MYH7B: variants seen among roughly 807,000 people sequenced by gnomAD.
The protein encoded by MYH7B is myosin-7B.
A neutral mutation model predicts 234.5 loss-of-function variants in MYH7B; 205 were observed. The observed-to-expected ratio is 0.87, with a 90% confidence interval of 0.78 to 0.98. The LOEUF (loss-of-function observed/expected upper bound fraction) is 0.98. Among genes scored for constraint, MYH7B ranks in the 50% least tolerant of loss-of-function variants. The probability of loss-of-function intolerance (pLI) is 0.00; values close to 1 mark genes in which losing one functional copy is unlikely to be tolerated. For missense variants in MYH7B, 2,652 were observed against 2,633.4 expected (o/e 1.01, Z -0.15); for synonymous variants, 1,193 against 1,105.0 (o/e 1.08, Z -1.58).
At chr20:34,994,328 A>G (rs1437156677) in exon 27 of MYH7B, 1 of 1,609,434 alleles carries the variant, frequency 6.2e-7, no homozygotes, top group African/African-American at 1.3e-5. Flanking sequence ...GCCGAGGCCA[A>G]GCGCCAGGAA....
exon 44 of MYH7B, chr20:35,002,078 G>A: frequency 6.2e-7 from 1 of 1,613,802 alleles, no homozygotes; most frequent in Non-Finnish European, 8.5e-7. Flanking sequence ...GACGCCCTGG[G>A]CCCCAAGGTG....
intron 10 of MYH7B, among the ~76,000 whole-genome samples, chr20:34,984,191 GCAGA>G (rs2081982034): frequency 6.6e-6 from 1 of 152,226 alleles, no homozygotes. Flanking sequence ...AGGTATACAG[GCAGA>G]CAAACAATGA....
At chr20:34,985,092 T>C in exon 13 of MYH7B, 2 of 1,614,050 alleles carry the variant, frequency 1.2e-6, no homozygotes, top group South Asian at 1.1e-5. Context: ...TTCACTTTGG[T>C]CCCTCTGGGA....
intron 2 of MYH7B, among the ~76,000 whole-genome samples, chr20:34,965,305 C>T (rs371751575): frequency 2.8e-4 from 42 of 152,368 alleles, no homozygotes; most frequent in Non-Finnish European, 4.6e-4. Context: ...GTGTGGTTAA[C>T]CTGGCTCAGC....
chr20:34,990,544 T>C, intron 22 of MYH7B, 194 bp from the exon 23 acceptor site: 1 of 807,204 alleles, frequency 1.2e-6, no homozygotes, highest in Middle Eastern at 2.3e-4. Context: ...GGGACGGGGA[T>C]TTGGCAGGGA....
At chr20:34,979,766 C>T in exon 7 of MYH7B, 1 of 1,614,128 alleles carries the variant, frequency 6.2e-7, no homozygotes, top group South Asian at 1.1e-5. Flanking sequence ...CTCTGTGCTG[C>T]ACAACCTGCG....
rs780637899 is a variant in MYH7B, at chr20:34,987,864, C to T, written c.1366C>T (p.Arg456Trp). Reference sequence around the variant, plus strand: ...CCAGACCCTGGACACAAAGCTGCCCCGGCAGTTCTTCATCGGGGTTCTGGA... The same window carrying T: ...CCAGACCCTGGACACAAAGCTGCCCTGGCAGTTCTTCATCGGGGTTCTGGA... The change falls in exon 18 of 45, where the codon CGG (arginine) becomes TGG (tryptophan). Residue 456 changes from arginine (R) to tryptophan (W), a missense_variant. By Grantham distance (101) the Arg-to-Trp change is moderately radical. This residue lies in a region of MYH7B where 2,279 missense variants were observed against 2,211.4 expected (regional missense o/e 1.03). Transcript: ENST00000262873. 2.6e-5 allele frequency: 42 copies of T among 1,612,078 alleles called. No homozygotes were observed. Among genetic ancestry groups the T allele is most frequent in the Middle Eastern group, 3.3e-4 (2 of 6,072 alleles).
In MYH7B at chr20:34,990,224, T is replaced by C; in HGVS notation, c.1901-10T>C. 6.2e-7 allele frequency: 1 copy of C among 1,614,118 alleles called. No homozygotes were observed. The highest frequency in any genetic ancestry group is 8.5e-7 in the Non-Finnish European group (1 of 1,180,028). ...TTCCCTGGAGTGACCAGGCCCCTTG[T>C]CTCTATTAGCTGAGCCCCCCAAGTC... On this transcript the variant is annotated splice_polypyrimidine_tract_variant and intron_variant, in intron 21 of 44. Transcript: ENST00000262873.
intron 2 of MYH7B, among the ~76,000 whole-genome samples, chr20:34,960,598 T>C (rs1470327597): frequency 1.3e-5 from 2 of 152,260 alleles, no homozygotes. Flanking sequence ...ACACATGGTC[T>C]GCATCTGTGC....
exon 7 of MYH7B, chr20:34,979,799 A>C: frequency 6.2e-7 from 1 of 1,613,116 alleles, no homozygotes; most frequent in Non-Finnish European, 8.5e-7. Flanking sequence ...CCGCTGGATG[A>C]TCTATGTGAG....
At chr20:34,970,415 C>T (rs142651128) in intron 2 of MYH7B, among the ~76,000 whole-genome samples, 209 of 152,308 alleles carry the variant, frequency 1.4e-3, no homozygotes, top group Admixed American at 3.8e-3. Flanking sequence ...GTAGTCACAC[C>T]GCCTCTGAGC....
At chr20:34,991,450 T>C (rs888583359) in intron 24 of MYH7B, among the ~76,000 whole-genome samples, 2 of 152,216 alleles carry the variant, frequency 1.3e-5, no homozygotes, top group Non-Finnish European at 2.9e-5. Context: ...GTAGATTTAC[T>C]GAGCTACAAA....
exon 28 of MYH7B, chr20:34,995,347 C>T (rs1187780967): frequency 1.2e-6 from 2 of 1,612,978 alleles, no homozygotes; most frequent in Non-Finnish European, 1.7e-6. Flanking sequence ...AGCAGGACAA[C>T]CTGGCAGATG....
chr20:34,999,698 C>T lies in MYH7B; in HGVS notation c.4665+3C>T, dbSNP rs1338821345. The T allele has an allele frequency of 6.2e-7, 1 of 1,612,436 alleles. No individual in the cohort carries two copies. The highest frequency in any genetic ancestry group is 8.5e-7 in the Non-Finnish European group (1 of 1,179,530). On this transcript the variant is annotated splice_donor_region_variant and intron_variant, in intron 37 of 44. Transcript: ENST00000262873. ...AGGCTGCACTGGAGGAGGCAGAGGTCAGGGGCTGGCTGCAGGGGTGGGTGG... is the reference window on the plus strand; with the variant it reads ...AGGCTGCACTGGAGGAGGCAGAGGTTAGGGGCTGGCTGCAGGGGTGGGTGG...
chr20:34,978,017 G>A, exon 5 of MYH7B: 2 of 1,614,144 alleles, frequency 1.2e-6, no homozygotes, highest in Non-Finnish European at 1.7e-6. Flanking sequence ...TGATGGATGT[G>A]AGTGAACTTG....
chr20:34,988,689 T>C (rs994044221), intron 19 of MYH7B, among the ~76,000 whole-genome samples: 30 of 152,116 alleles, frequency 2.0e-4, no homozygotes, highest in Admixed American at 2.0e-4. Flanking sequence ...TTACCCATTG[T>C]ACAAAGAATG....
rs960174280 is a variant in MYH7B, at chr20:34,986,034, C to T, written c.806-66C>T. ...CCTGCCCACCTCTCTCCCTCCGCAT[C>T]GCCCCCTTGGGATGTCCACTCTGGG... On this transcript the variant is annotated intron_variant, in intron 13 of 44. Coordinates refer to ENST00000262873, the Ensembl canonical transcript of MYH7B. 31 of 1,369,158 alleles carry T rather than the reference C, an allele frequency of 2.3e-5. No individual in the cohort carries two copies. The Admixed American group carries it at 2.8e-4, about 12-fold the overall frequency. The allele number at this position is 1,369,158 out of a possible 1,614,324, so 84.8% of individuals were successfully genotyped here. A position where few individuals can be genotyped will look rare whatever the true frequency, so the allele number is the denominator to read the frequency against.
rs758909698 is a variant in MYH7B, at chr20:34,988,162, T to G, written c.1487T>G (p.Met496Arg). Residue 496 changes from methionine (M) to arginine (R), a missense_variant, in exon 19 of 45, where the codon ATG (methionine) becomes AGG (arginine). Met to Arg is a moderately conservative substitution (Grantham distance 91). Transcript: ENST00000262873. ...TTGCAGCAGTTCTTCAACCAGCACA[T>G]GTTTGTGCTGGAGCAGGAGGAGTAC... The G allele has an allele frequency of 9.9e-6, 16 of 1,608,802 alleles. No homozygotes were observed. The Admixed American group carries it at 1.3e-4, about 13-fold the overall frequency.
intron 19 of MYH7B, 91 bp downstream of exon 19, chr20:34,988,353 C>A: frequency 1.4e-6 from 2 of 1,414,398 alleles, no homozygotes; most frequent in Non-Finnish European, 9.7e-7. Flanking sequence ...TGGAAGCCTG[C>A]AAGTGTGCAT....
Sources: gnomAD v4.1 joint callset for allele counts (sites outside exome capture counted in the v4.1 genomes callset) on GRCh38, gnomAD v4.1.1 for gene constraint, gnomAD v4.1.1 regional missense constraint, MANE v1.5 for transcripts, NCBI Gene and HGNC (gene_info 2026-07-23, HGNC 2026-07-21) for gene names.